MYO7B: variants seen among roughly 807,000 people sequenced by gnomAD.
The protein encoded by MYO7B is myosin VIIB.
Under a neutral mutation model 259.7 loss-of-function variants are expected in MYO7B, and 212 were observed. The observed-to-expected ratio is 0.82, with a 90% confidence interval of 0.73 to 0.91. The LOEUF (loss-of-function observed/expected upper bound fraction) is 0.91, where lower values mean the gene tolerates loss of function less well. Among genes scored for constraint, MYO7B ranks in the 40% least tolerant of loss-of-function variants. MYO7B has a pLI of 0.00. For synonymous variants in MYO7B, 1,197 were observed against 1,166.4 expected, an observed-to-expected ratio of 1.03 and a Z score of -0.54; for missense variants, 2,732 against 2,813.5, an observed-to-expected ratio of 0.97 and a Z score of 0.66.
intron 12 of MYO7B, 134 bp from the exon 13 acceptor site, chr2:127,583,988 C>T (rs1223212082): frequency 4.0e-6 from 3 of 750,456 alleles, no homozygotes; most frequent in East Asian, 2.7e-5. Flanking sequence ...TCTCTGTGTA[C>T]ACGAGGTGTG....
chr2:127,591,842 C>A (rs1679571412), intron 16 of MYO7B, among the ~76,000 whole-genome samples: 1 of 152,222 alleles, frequency 6.6e-6, no homozygotes, highest in Non-Finnish European at 1.5e-5. Context: ...CATTTCTCTG[C>A]CAGTCACACT....
intron 2 of MYO7B, among the ~76,000 whole-genome samples, chr2:127,561,373 C>T (rs145414807): frequency 0.033 from 5,069 of 152,072 alleles, 108 homozygotes; most frequent in Non-Finnish European, 0.046. Flanking sequence ...ATCCTCCCAC[C>T]TCAGCCTCCT....
In MYO7B at chr2:127,574,027, C is replaced by T; in HGVS notation, c.700C>T (p.Gln234Ter). ...GGTGATCGAGGGCGCGCGCATCGAG[C>T]AATTTCTCCTGGAGAAGTCCCGGGT... The part of the protein sequence containing the change: ...SGVIEGARIE[Q>*]FLLEKSRVCR... The change falls in exon 7 of 48, where the codon CAA (glutamine) becomes TAA (stop). Residue 234 changes from glutamine to a stop codon, truncating the protein, a stop_gained. Coordinates refer to ENST00000409816, the MANE Select transcript of MYO7B (RefSeq NM_001393586.1). LOFTEE classifies it high-confidence loss of function. 6.2e-7 allele frequency: 1 copy of T among 1,614,038 alleles called. No individual in the cohort carries two copies. Among genetic ancestry groups the T allele is most frequent in the Non-Finnish European group, 8.5e-7 (1 of 1,179,900 alleles).
In MYO7B at chr2:127,627,869, T is replaced by A. The variant is rs1681232388; in HGVS notation, c.4461-503T>A. 4.4e-6 allele frequency: 2 copies of A among 458,214 alleles called. No homozygotes were observed. Among genetic ancestry groups the A allele is most frequent in the Non-Finnish European group, 8.8e-6 (2 of 228,160 alleles). 28.4% of individuals were successfully genotyped at this position (458,214 alleles called of 1,614,324 possible). A position where few individuals can be genotyped will look rare whatever the true frequency, so the allele number is the denominator to read the frequency against. On this transcript the variant is annotated intron_variant, in intron 33 of 47. Transcript: ENST00000409816. This position sits in a 1 kb window ranked among gnomAD's most constrained non-coding sequence, Gnocchi z 5.6. ...TTGAAGCACACAACAGAGTGGCACA[T>A]GCATCTCTGGGCTGTGCCAGGTGTA... is the stretch of plus-strand genomic sequence containing the variant.
chr2:127,632,372 C>A lies in MYO7B; in HGVS notation c.5376C>A (p.Asp1792Glu). ...GGAGGGGGAAGCTGCTGGCCCCCGA[C>A]TGCAGCCGCCGAATCCAGAAGGTCC... ...DTRRGKLLAP[D>E]CSRRIQKVLR... The change falls in exon 39 of 48, where the codon GAC (aspartate) becomes GAA (glutamate). Residue 1792 changes from aspartate (D) to glutamate (E), a missense_variant. By Grantham distance (45) the Asp-to-Glu change is conservative (BLOSUM62 2). Coordinates refer to ENST00000409816, the MANE Select transcript of MYO7B (RefSeq NM_001393586.1). 1 of 1,580,968 alleles carries A rather than the reference C, an allele frequency of 6.3e-7. No individual in the cohort carries two copies. Among genetic ancestry groups the A allele is most frequent in the Admixed American group, 1.8e-5 (1 of 56,252 alleles).
In MYO7B at chr2:127,636,254, A is replaced by C. The variant is rs1681798971; in HGVS notation, c.6053A>C (p.Glu2018Ala). Reference protein sequence around the residue: ...YDKHKDKTVEEAKVAFLKWIC... With the variant: ...YDKHKDKTVEAAKVAFLKWIC... ...AAGCATAAGGACAAGACAGTGGAGG[A>C]GGCCAAGGTGGCCTTCCTGAAGTGG... is the stretch of plus-strand genomic sequence containing the variant. The change falls in exon 45 of 48, where the codon GAG becomes GCG. Residue 2018 changes from glutamate to alanine, a missense_variant. Transcript: ENST00000409816. The surrounding 1 kb of genome is among the most constrained non-coding windows in gnomAD (Gnocchi z 4.5). 1.9e-6 allele frequency: 3 copies of C among 1,613,516 alleles called. No individual in the cohort carries two copies. The highest frequency in any genetic ancestry group is 2.2e-5 in the East Asian group (1 of 44,872).
rs1573672010 is a variant in MYO7B, at chr2:127,597,247, C to T, written c.2339+691C>T. ...CCAAACAGGCCCACGTGGTCAGAGG[C>T]GAGGCAGGCTGGCCACCCTGACTCC... On this transcript the variant is annotated intron_variant, in intron 19 of 47. Coordinates refer to ENST00000409816, the MANE Select transcript of MYO7B (RefSeq NM_001393586.1). This position sits in a 1 kb window ranked among gnomAD's most constrained non-coding sequence, Gnocchi z 4.8. 1.3e-5 allele frequency among the ~76,000 whole-genome samples: 2 copies of T among 152,302 alleles called. No individual in the cohort carries two copies. Among genetic ancestry groups the T allele is most frequent in the Admixed American group, 1.3e-4 (2 of 15,300 alleles).
At chr2:127,593,160 G>C (rs1679633829) in intron 17 of MYO7B, among the ~76,000 whole-genome samples, 1 of 152,200 alleles carries the variant, frequency 6.6e-6, no homozygotes, top group Admixed American at 6.5e-5. Context: ...TGGGGTCTGG[G>C]AGAGCTGGCG....
chr2:127,618,944 A>C (rs1379948547), intron 26 of MYO7B, among the ~76,000 whole-genome samples: 1 of 152,090 alleles, frequency 6.6e-6, no homozygotes, highest in African/African-American at 2.4e-5. Flanking sequence ...CAGAGGAAAC[A>C]TGCAGGAGAC....
At position 127,584,627 on chromosome 2, in the gene MYO7B, C is replaced by A; in HGVS notation, c.1555-151C>A. 1 of 959,050 alleles carries A rather than the reference C, an allele frequency of 1.0e-6. No individual in the cohort carries two copies. Among genetic ancestry groups the A allele is most frequent in the Non-Finnish European group, 1.5e-6 (1 of 657,176 alleles). 59.4% of individuals were successfully genotyped at this position (959,050 alleles called of 1,614,324 possible). On this transcript the variant is annotated intron_variant, in intron 13 of 47. Transcript: ENST00000409816. This position sits in a 1 kb window ranked among gnomAD's most constrained non-coding sequence, Gnocchi z 5.8. ...AGCCCTCACTCCCTGCAACAAGTCA[C>A]TGACCCCTGGGCATTAGTTTCCTGT... is the stretch of plus-strand genomic sequence containing the variant.
chr2:127,553,275 G>GT (rs1321176002), intron 1 of MYO7B, among the ~76,000 whole-genome samples: 1 of 152,154 alleles, frequency 6.6e-6, no homozygotes. Flanking sequence ...TTTTAGGATT[G>GT]TTTTTTCTAG....
At chr2:127,563,768 C>T (rs1678204179) in intron 2 of MYO7B, among the ~76,000 whole-genome samples, 1 of 152,210 alleles carries the variant, frequency 6.6e-6, no homozygotes, top group African/African-American at 2.4e-5. Flanking sequence ...TGGGTGATTT[C>T]TGAGAGGATG....
intron 6 of MYO7B, among the ~76,000 whole-genome samples, chr2:127,571,064 G>A (rs1678583865): frequency 6.6e-6 from 1 of 152,180 alleles, no homozygotes; most frequent in South Asian, 2.1e-4. Flanking sequence ...ACAGGTTTTT[G>A]TGTGCACATT....
intron 20 of MYO7B, among the ~76,000 whole-genome samples, chr2:127,606,390 G>A (rs943988217): frequency 6.6e-6 from 1 of 152,222 alleles, no homozygotes; most frequent in Non-Finnish European, 1.5e-5. Flanking sequence ...ACTTGCTTTT[G>A]TCACGGATGT....
intron 31 of MYO7B, chr2:127,625,913 T>G: frequency 4.7e-6 from 1 of 211,652 alleles, no homozygotes; most frequent in Non-Finnish European, 9.3e-6. Context: ...CAGCATCCCC[T>G]CGCTGGGTGC....
Position 127,578,265 on chromosome 2 carries a change from C to T in MYO7B, c.982C>T (p.Leu328=). 1 of 1,613,700 alleles carries T rather than the reference C, an allele frequency of 6.2e-7. No individual in the cohort carries two copies. Among genetic ancestry groups the T allele is most frequent in the Non-Finnish European group, 8.5e-7 (1 of 1,179,854 alleles). The change falls in exon 9 of 48, where the codon CTG becomes TTG. Residue 328 remains leucine, a synonymous_variant. Transcript: ENST00000409816. ...VIKLLAAILH[L]GNVGFMASVF... is the part of the protein sequence containing the mutation. ...CAAGCTGCTGGCTGCCATTCTCCAC[C>T]TGGGGAATGTGGGGTTCATGGGTAA... is the stretch of plus-strand genomic sequence containing the variant.
intron 27 of MYO7B, among the ~76,000 whole-genome samples, chr2:127,621,265 G>GTTTTTTTTT (rs1212192791): frequency 8.3e-6 from 1 of 120,696 alleles, no homozygotes; most frequent in East Asian, 2.2e-4. Flanking sequence ...TTTTTTTTTT[G>GTTTTTTTTT]TTTTTTTTTT....
chr2:127,543,007 CG>C (rs999198900), intron 1 of MYO7B, among the ~76,000 whole-genome samples: 8 of 152,210 alleles, frequency 5.3e-5, no homozygotes, highest in African/African-American at 1.7e-4. Context: ...AACATACAAT[CG>C]TGTTTTACAC....
rs1399839752 is a variant in MYO7B, at chr2:127,592,864, A to G, written c.2063A>G (p.Lys688Arg). 2.7e-5 allele frequency: 43 copies of G among 1,610,490 alleles called. No individual in the cohort carries two copies. The highest frequency in any genetic ancestry group is 3.6e-5 in the Non-Finnish European group (42 of 1,178,916). Reference protein sequence around the residue: ...SGMMETVHIRKSGFPIRYTFE... With the variant: ...SGMMETVHIRRSGFPIRYTFE... The stretch of plus-strand genomic sequence containing the variant: ...ATGATGGAGACCGTGCACATCCGCA[A>G]GTCGGGCTTCCCCATCCGCTACACG... The change falls in exon 17 of 48, where the codon AAG (lysine) becomes AGG (arginine). Residue 688 changes from lysine (K) to arginine (R), a missense_variant. Transcript: ENST00000409816.
Sources: allele counts gnomAD v4.1 joint callset (sites outside exome capture counted in the v4.1 genomes callset), GRCh38; gene constraint gnomAD v4.1.1; non-coding constraint Gnocchi (gnomAD v3.1); transcripts MANE v1.5; gene names NCBI Gene and HGNC (gene_info 2026-07-23, HGNC 2026-07-21).